TBCCD1: variants seen among roughly 807,000 people sequenced by gnomAD.
The protein encoded by TBCCD1 is TBCC domain-containing protein 1.
In TBCCD1, 26 loss-of-function variants were observed where a neutral mutation model predicts 53.4. That is an observed-to-expected ratio of 0.49 (90% CI 0.36 to 0.68). TBCCD1 has a LOEUF of 0.68. Among genes scored for constraint, TBCCD1 ranks in the 30% least tolerant of loss-of-function variants. The pLI, the probability that TBCCD1 is intolerant of heterozygous loss-of-function variation, is 0.00. For synonymous variants in TBCCD1, 245 were observed against 241.7 expected, an observed-to-expected ratio of 1.01 and a Z score of -0.13; for missense variants, 558 against 669.5, an observed-to-expected ratio of 0.83 and a Z score of 1.84.
intron 2 of TBCCD1, 56 bp from the exon 3 acceptor site, chr3:186,558,628 C>G: frequency 6.4e-7 from 1 of 1,567,242 alleles, no homozygotes; most frequent in Non-Finnish European, 8.7e-7. Flanking sequence ...AACCACTAGT[C>G]TAACAACTAA....
chr3:186,548,371 A>T (rs1303160869), intron 7 of TBCCD1, among the ~76,000 whole-genome samples: 1 of 152,240 alleles, frequency 6.6e-6, no homozygotes. Flanking sequence ...TAGGGGTTGG[A>T]GGAATAAGGA....
chr3:186,546,977 A>T (rs1714232303), intron 7 of TBCCD1, 22 bp from the exon 8 acceptor site: 1 of 152,184 alleles, frequency 6.6e-6, no homozygotes, highest in Non-Finnish European at 1.5e-5. Context: ...AGAAAAAATA[A>T]TATTAATCAC....
At chr3:186,568,723 A>G (rs1714907708), upstream of TBCCD1, among the ~76,000 whole-genome samples, 1 of 152,022 alleles carries the variant, frequency 6.6e-6, no homozygotes, top group South Asian at 2.1e-4. Flanking sequence ...CAACATGGTT[A>G]AACCCAGTCT....
intron 7 of TBCCD1, among the ~76,000 whole-genome samples, chr3:186,548,375 A>T (rs893090748): frequency 5.3e-5 from 8 of 152,248 alleles, no homozygotes; most frequent in African/African-American, 1.9e-4. Flanking sequence ...GGTTGGAGGA[A>T]TAAGGAGTGG....
At chr3:186,565,433 A>T (rs1714801547) in intron 1 of TBCCD1, among the ~76,000 whole-genome samples, 1 of 152,080 alleles carries the variant, frequency 6.6e-6, no homozygotes, top group Non-Finnish European at 1.5e-5. Flanking sequence ...TCTACACATA[A>T]ATTAGATGTT....
upstream of TBCCD1, among the ~76,000 whole-genome samples, chr3:186,569,400 C>T (rs57811099): frequency 0.27 from 40,767 of 151,180 alleles, 6,988 homozygotes; most frequent in African/African-American, 0.49. Context: ...CTCACTGCAA[C>T]CTCCACCTCC....
intron 2 of TBCCD1, among the ~76,000 whole-genome samples, chr3:186,563,422 G>T (rs981257722): frequency 2.6e-5 from 4 of 151,884 alleles, no homozygotes; most frequent in African/African-American, 9.7e-5. Context: ...TAGTCCATAA[G>T]CTCCATGAGG....
At chr3:186,570,244 T>C (rs534861419), upstream of TBCCD1, 1,826 of 608,944 alleles carry the variant, frequency 3.0e-3, 7 homozygotes, top group Non-Finnish European at 4.3e-3. Flanking sequence ...TGTACACCTG[T>C]CGTGGAATAA....
Position 186,554,252 on chromosome 3 carries a change from A to G in TBCCD1, c.1544+2T>C. 1 of 1,610,308 alleles carries G rather than the reference A, an allele frequency of 6.2e-7. No homozygotes were observed. The highest frequency in any genetic ancestry group is 8.5e-7 in the Non-Finnish European group (1 of 1,179,154). ...AAACTGTTACTTGTAAAAAATACTC[A>G]CTTTGTCAAATGAGCCTCCTTCACA... is the stretch of plus-strand genomic sequence containing the variant. On this transcript the variant is annotated splice_donor_variant, in intron 6 of 7. Coordinates refer to ENST00000338733, the MANE Select transcript of TBCCD1 (RefSeq NM_018138.5). LOFTEE classifies it high-confidence loss of function.
chr3:186,558,389 G>C (rs1714599653), intron 3 of TBCCD1, 28 bp downstream of exon 3: 1 of 1,599,004 alleles, frequency 6.3e-7, no homozygotes, highest in African/African-American at 1.3e-5. Context: ...GTCCCTTTTA[G>C]AGAATGAGAT....
chr3:186,565,527 T>C (rs1036067104), intron 1 of TBCCD1, among the ~76,000 whole-genome samples: 5 of 152,232 alleles, frequency 3.3e-5, no homozygotes, highest in Non-Finnish European at 7.3e-5. Flanking sequence ...AATAAATGTA[T>C]CCCATTTTAT....
chr3:186,555,225 T>C, intron 4 of TBCCD1, 141 bp from the exon 5 acceptor site: 1 of 680,214 alleles, frequency 1.5e-6, no homozygotes, highest in Non-Finnish European at 2.3e-6. Context: ...ATCTGGGCTT[T>C]GGATAGAGGT....
chr3:186,550,259 C>T (rs1477836443), intron 7 of TBCCD1, among the ~76,000 whole-genome samples: 1 of 145,652 alleles, frequency 6.9e-6, no homozygotes, highest in Non-Finnish European at 1.5e-5. Context: ...TTTAAACTAA[C>T]ACAGTATACT....
At chr3:186,555,779 G>C (rs560684924) in intron 4 of TBCCD1, among the ~76,000 whole-genome samples, 2 of 151,964 alleles carry the variant, frequency 1.3e-5, no homozygotes, top group African/African-American at 2.4e-5. Context: ...GGCTGGTCTC[G>C]AACTCCTCAC....
At chr3:186,556,010 C>A (rs1714529988) in intron 4 of TBCCD1, among the ~76,000 whole-genome samples, 1 of 152,146 alleles carries the variant, frequency 6.6e-6, no homozygotes, top group African/African-American at 2.4e-5. Flanking sequence ...TACCTCCCTG[C>A]AAGCCACCGG....
chr3:186,565,529 C>T (rs1374573345), intron 1 of TBCCD1, among the ~76,000 whole-genome samples: 3 of 152,092 alleles, frequency 2.0e-5, no homozygotes, highest in Non-Finnish European at 4.4e-5. Flanking sequence ...TAAATGTATC[C>T]CATTTTATTC....
chr3:186,568,200 G>T (rs1424278502), upstream of TBCCD1, among the ~76,000 whole-genome samples: 1 of 152,190 alleles, frequency 6.6e-6, no homozygotes, highest in East Asian at 1.9e-4. Context: ...GCTGTTACTT[G>T]TTGAGTACCA....
At chr3:186,551,036 T>G (rs1714357640) in intron 7 of TBCCD1, 93 bp downstream of exon 7, 1 of 1,345,618 alleles carries the variant, frequency 7.4e-7, no homozygotes, top group Admixed American at 2.5e-5. Context: ...TAGAAAAAAT[T>G]TGGGCATGTT....
intron 1 of TBCCD1, 103 bp from the exon 2 acceptor site, chr3:186,564,475 CATCATCATCTTAA>C (rs1374561125): frequency 4.3e-6 from 3 of 694,868 alleles, no homozygotes; most frequent in Middle Eastern, 3.7e-4. Flanking sequence ...ATATGTACTA[CATCATCATCTTAA>C]AAGGCAGCTC....
Sources: allele counts gnomAD v4.1 joint callset (sites outside exome capture counted in the v4.1 genomes callset), GRCh38; gene constraint gnomAD v4.1.1; transcripts MANE v1.5; gene names NCBI Gene and HGNC (gene_info 2026-07-23, HGNC 2026-07-21).